The following CUL1 variants were observed in gnomAD, a reference collection of about 807,000 sequenced individuals.
CUL1 encodes cullin 1.
CUL1 carries 24 observed loss-of-function variants against 118.0 expected under a neutral mutation model. The ratio of observed to expected loss-of-function variants is 0.20; its 90% CI spans 0.15 to 0.29. The LOEUF is 0.29. CUL1 is among the 10% of genes least tolerant of loss of function. The pLI is 1.00. For missense variants in CUL1, 361 were observed against 933.8 expected (o/e 0.39, Z 7.99); for synonymous variants, 332 against 340.4 (o/e 0.98, Z 0.27).
chr7:148,775,039 A>T (rs911606070), intron 9 of CUL1, among the ~76,000 whole-genome samples: 1 of 152,090 alleles, frequency 6.6e-6, no homozygotes, highest in Admixed American at 6.5e-5. Context: ...TAGCAGAAAA[A>T]GTTCTGTGAT....
In CUL1 at chr7:148,800,445, A is replaced by C; in HGVS notation, c.2251-57A>C. The C allele has an allele frequency of 2.1e-6, 3 of 1,406,150 alleles. No homozygotes were observed. Among genetic ancestry groups the C allele is most frequent in the Non-Finnish European group, 3.0e-6 (3 of 993,114 alleles). 87.1% of individuals were successfully genotyped at this position (1,406,150 alleles called of 1,614,324 possible). A position where few individuals can be genotyped will look rare whatever the true frequency, so the allele number is the denominator to read the frequency against. ...GGGGCAGCCTCTCTCTGTTCTGATG[A>C]TAATTTGTGTTTTTCTTCTCTTTCA... On this transcript the variant is annotated intron_variant, in intron 21 of 21. Coordinates refer to ENST00000325222, the MANE Select transcript of CUL1 (RefSeq NM_003592.3). The surrounding 1 kb of genome is among the most constrained non-coding windows in gnomAD (Gnocchi z 4.6).
intron 7 of CUL1, 117 bp downstream of exon 7, chr7:148,760,613 A>G (rs1799797347): frequency 5.3e-6 from 4 of 755,746 alleles, no homozygotes; most frequent in African/African-American, 3.6e-5. Context: ...TTGTTTTTCT[A>G]GAGTGTTTTT....
intron 1 of CUL1, among the ~76,000 whole-genome samples, chr7:148,717,276 C>T (rs1240001926): frequency 6.6e-6 from 1 of 152,200 alleles, no homozygotes; most frequent in East Asian, 1.9e-4. Flanking sequence ...AGGCTGGTCG[C>T]GAACTCCTGA....
Position 148,757,906 on chromosome 7 carries a change from G to A in CUL1, c.483+756G>A, listed in dbSNP as rs183026517. Among the ~76,000 whole-genome samples, 34 of 152,264 alleles carry A rather than the reference G, an allele frequency of 2.2e-4. No homozygotes were observed. In the East Asian group the frequency reaches 5.0e-3, roughly 22 times the overall value. On this transcript the variant is annotated intron_variant, in intron 4 of 21. Transcript: ENST00000325222. ...TCACTACTATGAGAACAGTATGGGG[G>A]AACCACCCCCATGATTCAGTTGTCT...
chr7:148,771,464 C>T (rs1303570926), intron 9 of CUL1, among the ~76,000 whole-genome samples: 2 of 152,190 alleles, frequency 1.3e-5, no homozygotes, highest in East Asian at 1.9e-4. Context: ...GCATCTCCCT[C>T]TCGCCACCTA....
chr7:148,788,488 C>CT (rs1563169789), intron 13 of CUL1, 69 bp from the exon 14 acceptor site: 2 of 975,124 alleles, frequency 2.1e-6, no homozygotes, highest in Admixed American at 2.0e-5. Context: ...TCTGATTTCT[C>CT]TAAGATTCCC....
chr7:148,784,376 G>C (rs1314329788), intron 11 of CUL1, among the ~76,000 whole-genome samples: 1 of 152,198 alleles, frequency 6.6e-6, no homozygotes, highest in East Asian at 1.9e-4. Flanking sequence ...GTTCAGTTCA[G>C]AGTGGTATGG....
At chr7:148,799,616 A>G (rs1025837474) in intron 21 of CUL1, among the ~76,000 whole-genome samples, 1 of 152,208 alleles carries the variant, frequency 6.6e-6, no homozygotes, top group Non-Finnish European at 1.5e-5. Context: ...ACACTGTGTG[A>G]TCAGCACCCA....
chr7:148,742,145 G>T (rs780001808), intron 2 of CUL1, among the ~76,000 whole-genome samples: 10 of 152,122 alleles, frequency 6.6e-5, no homozygotes, highest in Non-Finnish European at 1.2e-4. Context: ...AAGCCAACTG[G>T]GATTCTGATA....
intron 6 of CUL1, 67 bp downstream of exon 6, chr7:148,759,705 CAG>C: frequency 1.3e-6 from 1 of 743,492 alleles, no homozygotes; most frequent in Non-Finnish European, 2.2e-6. Context: ...AATGCTCTAA[CAG>C]ATGTCATTTT....
rs767074519 is a variant in CUL1, at chr7:148,786,640, A to G, written c.1347+41A>G. ...GCATACCCATTTCCAGTAGCTGTGT[A>G]TTTCACAAGCTGTTTGTAATGTTAT... is the stretch of plus-strand genomic sequence containing the variant. On this transcript the variant is annotated intron_variant, in intron 12 of 21. Transcript: ENST00000325222. 2.6e-6 allele frequency: 4 copies of G among 1,528,864 alleles called. No individual in the cohort carries two copies. In the African/African-American group the frequency reaches 4.1e-5, roughly 16 times the overall value. The allele number at this position is 1,528,864 out of a possible 1,614,324, so 94.7% of individuals were successfully genotyped here.
intron 9 of CUL1, among the ~76,000 whole-genome samples, chr7:148,770,305 A>G (rs1800166443): frequency 6.6e-6 from 1 of 152,258 alleles, no homozygotes; most frequent in Non-Finnish European, 1.5e-5. Context: ...TTTAAGAACC[A>G]AAACAAGATT....
intron 2 of CUL1, among the ~76,000 whole-genome samples, chr7:148,740,698 A>G (rs765978526): frequency 2.6e-5 from 4 of 152,106 alleles, no homozygotes; most frequent in African/African-American, 4.8e-5. Context: ...AGGTAAGGCT[A>G]TTTGGGGGAA....
At position 148,761,216 on chromosome 7, in the gene CUL1, T is replaced by C. The variant is rs559208521; in HGVS notation, c.789+720T>C. Among the ~76,000 whole-genome samples, 16 of 152,268 alleles carry C rather than the reference T, an allele frequency of 1.1e-4. No homozygotes were observed. In the East Asian group the frequency reaches 2.7e-3, roughly 26 times the overall value. On this transcript the variant is annotated intron_variant, in intron 7 of 21. Transcript: ENST00000325222. ...CTCTTTGTTCTCTTTCTTAGAAATA[T>C]AGATATCCTGGCTGGGCGTGGTGGC...
intron 2 of CUL1, among the ~76,000 whole-genome samples, chr7:148,733,971 A>T (rs1291219631): frequency 6.6e-6 from 1 of 152,138 alleles, no homozygotes; most frequent in East Asian, 1.9e-4. Context: ...TATACAGCAT[A>T]AATATTTATC....
At chr7:148,709,695 G>T (rs903127308) in intron 1 of CUL1, among the ~76,000 whole-genome samples, 6 of 152,204 alleles carry the variant, frequency 3.9e-5, no homozygotes, top group Non-Finnish European at 2.9e-5. Context: ...CTTAGGCTGG[G>T]CAGTGAAGAC....
upstream of CUL1, chr7:148,698,655 C>G (rs1797600563): frequency 6.6e-6 from 1 of 151,948 alleles, no homozygotes; most frequent in Admixed American, 6.6e-5. Context: ...GCGCCTCGGG[C>G]TGGCGGGGCG....
intron 17 of CUL1, among the ~76,000 whole-genome samples, chr7:148,795,726 C>T (rs532233688): frequency 5.8e-4 from 86 of 149,104 alleles, no homozygotes; most frequent in African/African-American, 2.1e-3. Flanking sequence ...GCCCTGATTG[C>T]GCCACTGCAC....
chr7:148,717,588 C>T (rs905978949), intron 1 of CUL1, among the ~76,000 whole-genome samples: 5 of 151,744 alleles, frequency 3.3e-5, no homozygotes, highest in South Asian at 2.1e-4. Context: ...TTGTCTTCTC[C>T]GAAACCTTCC....
Sources: allele counts gnomAD v4.1 joint callset (sites outside exome capture counted in the v4.1 genomes callset), GRCh38; gene constraint gnomAD v4.1.1; non-coding constraint Gnocchi (gnomAD v3.1); transcripts MANE v1.5; gene names NCBI Gene and HGNC (gene_info 2026-07-23, HGNC 2026-07-21).